SLC25A47: variants seen among roughly 807,000 people sequenced by gnomAD.
The protein encoded by SLC25A47 is solute carrier family 25 member 47.
In SLC25A47, 30 loss-of-function variants were observed where a neutral mutation model predicts 29.8. That is an observed-to-expected ratio of 1.01 (90% CI 0.75 to 1.36). The LOEUF is 1.36. Among genes scored for constraint, SLC25A47 ranks in the 40% most tolerant of loss-of-function variants. SLC25A47 has a pLI of 0.00. For missense variants in SLC25A47, 430 were observed against 441.9 expected (o/e 0.97, Z 0.24); for synonymous variants, 204 against 197.8 (o/e 1.03, Z -0.26).
In SLC25A47 at chr14:100,329,639, C is replaced by A; in HGVS notation, c.921C>A (p.Leu307=). 6.2e-7 allele frequency: 1 copy of A among 1,607,216 alleles called. No individual in the cohort carries two copies. Residue 307 remains leucine (L), a synonymous_variant, in exon 6 of 6, where the codon CTC becomes CTA. Transcript: ENST00000361529. ...TGCTGAGGCTCGCCCGGGGTCTGCT[C>A]ACATAGCCGGTCCCCACGCCCAGCG... ...EAVLRLARGL[L]T is the part of the protein sequence containing the mutation.
intron 4 of SLC25A47, 57 bp downstream of exon 4, chr14:100,327,427 G>A: frequency 2.6e-6 from 4 of 1,517,020 alleles, no homozygotes; most frequent in Non-Finnish European, 3.5e-6. Flanking sequence ...GGTCTGAGAG[G>A]TTATCCATCC....
intron 4 of SLC25A47, among the ~76,000 whole-genome samples, chr14:100,328,156 G>A (rs1245980307): frequency 1.4e-5 from 2 of 144,074 alleles, no homozygotes; most frequent in African/African-American, 2.6e-5. Context: ...CGGTTACCCA[G>A]GCCAGTGTTT....
In SLC25A47 at chr14:100,327,264, AC is replaced by A. The variant is rs770924121; in HGVS notation, c.223del (p.Arg75AlafsTer38). Reference sequence around the variant, plus strand: ...GTATCTTCCGTGTCTTTTGGCACCTACCGCCACTGCCTGGCGCACATCTGCC... The same window carrying A: ...GTATCTTCCGTGTCTTTTGGCACCTACGCCACTGCCTGGCGCACATCTGCC... Reference protein sequence around the residue: ...SLVSSVSFGTYRHCLAHICRL... With the variant: ...SLVSSVSFGTXRHCLAHICRL... On this transcript the variant is annotated frameshift_variant, in exon 4 of 6. Transcript: ENST00000361529. LOFTEE classifies it high-confidence loss of function. 1 of 1,607,994 alleles carries A rather than the reference AC, an allele frequency of 6.2e-7. No individual in the cohort carries two copies. The highest frequency in any genetic ancestry group is 1.1e-5 in the South Asian group (1 of 91,070).
intron 5 of SLC25A47, 136 bp from the exon 6 acceptor site, chr14:100,329,229 T>A (rs1595390569): frequency 8.3e-7 from 1 of 1,207,028 alleles, no homozygotes; most frequent in East Asian, 2.4e-5. Flanking sequence ...AGAGTCAGTG[T>A]GTGGTTGTGG....
chr14:100,325,237 G>A (rs1893315001), intron 1 of SLC25A47, among the ~76,000 whole-genome samples: 1 of 152,180 alleles, frequency 6.6e-6, no homozygotes, highest in South Asian at 2.1e-4. Context: ...TTCCACACAC[G>A]CTTGTGGTTC....
rs531781271 is a variant in SLC25A47 at position 100,325,701 on chromosome 14, G to A, written c.29-87G>A. The A allele has an allele frequency of 2.7e-4, 383 of 1,404,526 alleles. 1 individual carries two copies. The highest frequency in any genetic ancestry group is 1.2e-3 in the Admixed American group (58 of 49,956). The allele number at this position is 1,404,526 out of a possible 1,614,324, so 87.0% of individuals were successfully genotyped here. A position where few individuals can be genotyped will look rare whatever the true frequency, so the allele number is the denominator to read the frequency against. ...CTGCCCTTGGGGGAGCCCAGTCAGC[G>A]TGCGCTCTGCTTCTGCTTCCCTGCA... On this transcript the variant is annotated intron_variant, in intron 1 of 5. Coordinates refer to ENST00000361529, the MANE Select transcript of SLC25A47 (RefSeq NM_207117.4).
In SLC25A47 at chr14:100,329,534, G is replaced by A. The variant is rs1315499489; in HGVS notation, c.816G>A (p.Arg272=). 21 of 1,613,444 alleles carry A rather than the reference G, an allele frequency of 1.3e-5. No homozygotes were observed. Among genetic ancestry groups the A allele is most frequent in the Non-Finnish European group, 1.6e-5 (19 of 1,180,008 alleles). The change falls in exon 6 of 6, where the codon CGG becomes CGA. Residue 272 remains arginine, a synonymous_variant. Coordinates refer to ENST00000361529, the MANE Select transcript of SLC25A47 (RefSeq NM_207117.4). ...CCAGCGTTCGAGAGGAGGGACCCCG[G>A]GTCCTTTTCAAGGGGCTGGTACTCA... ...MVTSVREEGP[R]VLFKGLVLNC...
chr14:100,329,463 G>A lies in SLC25A47; in HGVS notation c.745G>A (p.Gly249Arg), dbSNP rs749753667. The change falls in exon 6 of 6, where the codon GGG becomes AGG. Residue 249 changes from glycine (G) to arginine (R), a missense_variant. Physicochemically the swap from Gly to Arg is moderately radical, Grantham distance 125. Transcript: ENST00000361529. ...GATCAAGTCGAGACTGCAGGCAGAC[G>A]GGCAGGGCCAGAGGCGCTACCGGGG... ...DVIKSRLQAD[G>R]QGQRRYRGLL... is the part of the protein sequence containing the mutation. 3.8e-5 allele frequency: 62 copies of A among 1,613,402 alleles called. No individual in the cohort carries two copies. Among genetic ancestry groups the A allele is most frequent in the Non-Finnish European group, 5.1e-5 (60 of 1,180,002 alleles).
chr14:100,328,627 C>T, intron 4 of SLC25A47, 99 bp from the exon 5 acceptor site: 3 of 1,318,084 alleles, frequency 2.3e-6, no homozygotes, highest in Non-Finnish European at 3.3e-6. Context: ...GGCCCAACCT[C>T]CTGAGGTCAC....
intron 1 of SLC25A47, among the ~76,000 whole-genome samples, chr14:100,323,879 A>G (rs1893292431): frequency 6.6e-6 from 1 of 152,098 alleles, no homozygotes; most frequent in Non-Finnish European, 1.5e-5. Flanking sequence ...AGAGGACGGT[A>G]AGGGGCCTGG....
In SLC25A47 at chr14:100,326,211, A is replaced by G. The variant is rs1023570293; in HGVS notation, c.127A>G (p.Thr43Ala). The change falls in exon 3 of 6, where the codon ACG becomes GCG. Residue 43 changes from threonine to alanine, a missense_variant. By Grantham distance (58) the Thr-to-Ala change is moderately conservative. Transcript: ENST00000361529. ...YTGIWHCVRD[T>A]YHRERVWGFY... ...AGGCATCTGGCACTGCGTCCGGGAT[A>G]CGTATCACCGAGAGCGCGTAGGTCT... is the stretch of plus-strand genomic sequence containing the variant. The G allele has an allele frequency of 1.9e-6, 3 of 1,613,720 alleles. No homozygotes were observed. Among genetic ancestry groups the G allele is most frequent in the Non-Finnish European group, 2.5e-6 (3 of 1,179,898 alleles).
chr14:100,328,255 G>T (rs1296312579), intron 4 of SLC25A47, among the ~76,000 whole-genome samples: 2 of 152,008 alleles, frequency 1.3e-5, no homozygotes, highest in African/African-American at 2.4e-5. Context: ...GGGACTACAG[G>T]CACGCGCCAC....
At chr14:100,323,628 G>T (rs557724869) in intron 1 of SLC25A47, among the ~76,000 whole-genome samples, 186 bp downstream of exon 1, 5 of 152,212 alleles carry the variant, frequency 3.3e-5, no homozygotes, top group South Asian at 4.1e-4. Context: ...TGCAGGGCCT[G>T]GGGGGCTGCA....
Position 100,329,537 on chromosome 14 carries a change from C to G in SLC25A47, c.819C>G (p.Val273=). 1.2e-6 allele frequency: 2 copies of G among 1,613,580 alleles called. No homozygotes were observed. The highest frequency in any genetic ancestry group is 3.3e-4 in the Middle Eastern group (2 of 6,060). ...GCGTTCGAGAGGAGGGACCCCGGGT[C>G]CTTTTCAAGGGGCTGGTACTCAATT... The part of the protein sequence containing the change: ...VTSVREEGPR[V]LFKGLVLNCC... Residue 273 remains valine, a synonymous_variant, in exon 6 of 6, where the codon GTC becomes GTG. Coordinates refer to ENST00000361529, the MANE Select transcript of SLC25A47 (RefSeq NM_207117.4).
intron 1 of SLC25A47, 21 bp downstream of exon 1, chr14:100,323,463 C>G: frequency 3.1e-6 from 5 of 1,613,500 alleles, no homozygotes; most frequent in Non-Finnish European, 4.2e-6. Flanking sequence ...GGATGGTGGG[C>G]TGTGCAGACA....
At chr14:100,329,128 C>A in intron 5 of SLC25A47, 84 bp downstream of exon 5, 1 of 1,459,188 alleles carries the variant, frequency 6.9e-7, no homozygotes, top group African/African-American at 1.4e-5. Flanking sequence ...CGCCAGTACC[C>A]GAGTGGGGGC....
In SLC25A47 at chr14:100,325,848, C is replaced by T. The variant is rs765365940; in HGVS notation, c.72+17C>T. The T allele has an allele frequency of 3.1e-6, 5 of 1,608,996 alleles. No homozygotes were observed. In the South Asian group the frequency reaches 3.3e-5, roughly 11 times the overall value. On this transcript the variant is annotated intron_variant, in intron 2 of 5. Coordinates refer to ENST00000361529, the MANE Select transcript of SLC25A47 (RefSeq NM_207117.4). ...ACGGTGAAGGTGCGGCAATAGCCAGCCCCCCAACCATCCTAAGGCCCCTGC... is the reference window on the plus strand; with the variant it reads ...ACGGTGAAGGTGCGGCAATAGCCAGTCCCCCAACCATCCTAAGGCCCCTGC...
At chr14:100,327,133 C>A in intron 3 of SLC25A47, 55 bp from the exon 4 acceptor site, 3 of 1,521,774 alleles carry the variant, frequency 2.0e-6, no homozygotes, top group East Asian at 2.3e-5. Context: ...TGGGCTCCCT[C>A]GGGTGGCTCC....
chr14:100,326,118 C>G, intron 2 of SLC25A47, 39 bp from the exon 3 acceptor site: 4 of 1,568,054 alleles, frequency 2.6e-6, no homozygotes, highest in Non-Finnish European at 3.5e-6. Flanking sequence ...TTGCCCTAGG[C>G]CTGGAGCCGC....
Sources: gnomAD v4.1 joint callset for allele counts (sites outside exome capture counted in the v4.1 genomes callset) on GRCh38, gnomAD v4.1.1 for gene constraint, MANE v1.5 for transcripts, NCBI Gene and HGNC (gene_info 2026-07-23, HGNC 2026-07-21) for gene names.